Variants in EYS observed in about 807,000 individuals in gnomAD.
EYS encodes the protein EGF-like photoreceptor maintenance factor, also known as protein eyes shut homolog.
In EYS, 250 loss-of-function variants were observed where a neutral mutation model predicts 282.1. That is an observed-to-expected ratio of 0.89 (90% CI 0.80 to 0.98). EYS has a LOEUF of 0.98. Among genes scored for constraint, EYS ranks in the 50% least tolerant of loss-of-function variants. The pLI, the probability that EYS is intolerant of heterozygous loss-of-function variation, is 0.00. For missense variants in EYS, 4,016 were observed against 3,709.0 expected (o/e 1.08, Z -2.15); for synonymous variants, 1,355 against 1,282.9 (o/e 1.06, Z -1.20).
intron 28 of EYS, among the ~76,000 whole-genome samples, chr6:64,402,211 A>G (rs750499838): frequency 1.6e-4 from 25 of 152,138 alleles, no homozygotes; most frequent in South Asian, 6.2e-4. Flanking sequence ...GTCTAACACC[A>G]TTAAAGTGTG....
At chr6:64,960,545 G>T (rs1461519559) in intron 14 of EYS, among the ~76,000 whole-genome samples, 5 of 152,026 alleles carry the variant, frequency 3.3e-5, no homozygotes, top group Non-Finnish European at 5.9e-5. Flanking sequence ...AGAGCCAATT[G>T]TGATTCAACT....
At chr6:64,425,279 GT>G (rs1424175197) in intron 28 of EYS, among the ~76,000 whole-genome samples, 2 of 152,036 alleles carry the variant, frequency 1.3e-5, no homozygotes, top group Non-Finnish European at 2.9e-5. Context: ...GATGTAATAT[GT>G]TTTTTTAAAA....
At chr6:64,155,220 A>G (rs1371803450) in intron 31 of EYS, among the ~76,000 whole-genome samples, 1 of 152,198 alleles carries the variant, frequency 6.6e-6, no homozygotes, top group Non-Finnish European at 1.5e-5. Context: ...TACTGTATCT[A>G]ATATGCAGTT....
intron 2 of EYS, among the ~76,000 whole-genome samples, chr6:65,532,268 GTCTATATTTAC>G (rs2127309600): frequency 6.6e-6 from 1 of 152,064 alleles, no homozygotes; most frequent in South Asian, 2.1e-4. Flanking sequence ...ATGTAAGAAA[GTCTATATTTAC>G]TCTGGTACGT....
intron 22 of EYS, among the ~76,000 whole-genome samples, chr6:64,648,066 A>T (rs1424721462): frequency 2.0e-5 from 3 of 152,214 alleles, no homozygotes; most frequent in Admixed American, 6.5e-5. Flanking sequence ...TTAATTAATC[A>T]TGTATTTTGC....
chr6:65,366,501 T>C (rs1048107793), intron 8 of EYS, among the ~76,000 whole-genome samples: 4 of 151,794 alleles, frequency 2.6e-5, no homozygotes, highest in African/African-American at 4.8e-5. Flanking sequence ...GTATTTTATA[T>C]ACATTTTTAG....
At chr6:64,585,037 G>A (rs1453965170) in intron 26 of EYS, among the ~76,000 whole-genome samples, 3 of 151,958 alleles carry the variant, frequency 2.0e-5, no homozygotes, top group Non-Finnish European at 4.4e-5. Context: ...GTTCATTACT[G>A]CACTATTCAT....
At chr6:64,263,821 A>T in intron 30 of EYS, among the ~76,000 whole-genome samples, 1 of 152,128 alleles carries the variant, frequency 6.6e-6, no homozygotes, top group Non-Finnish European at 1.5e-5. Context: ...AGGATCTAAA[A>T]ACTGTTCTGT....
At chr6:64,223,893 T>TA (rs1445199374) in intron 31 of EYS, among the ~76,000 whole-genome samples, 3 of 152,100 alleles carry the variant, frequency 2.0e-5, no homozygotes, top group Non-Finnish European at 2.9e-5. Context: ...AATGTTTAGC[T>TA]AGTTGATCAT....
At chr6:65,529,111 A>G (rs1237334012) in intron 2 of EYS, among the ~76,000 whole-genome samples, 5 of 152,104 alleles carry the variant, frequency 3.3e-5, no homozygotes, top group African/African-American at 7.2e-5. Context: ...ATTAGGCTTT[A>G]GATTTCCTCT....
At chr6:64,236,217 T>C (rs1766601478) in intron 30 of EYS, among the ~76,000 whole-genome samples, 2 of 152,166 alleles carry the variant, frequency 1.3e-5, no homozygotes, top group African/African-American at 2.4e-5. Flanking sequence ...TTGTGCTCCA[T>C]CCGCCTTGGC....
In EYS at chr6:65,170,603, G is replaced by A. The variant is rs1419992438; in HGVS notation, c.2024-112876C>T. ...CTTATTGGTACAAGGTTTCCAAAAT[G>A]TCTAAGCCAAAAATGGTTTCAATAG... On this transcript the variant is annotated intron_variant, in intron 12 of 42. Transcript: ENST00000503581. Among the ~76,000 whole-genome samples the A allele has an allele frequency of 2.6e-5, 4 of 151,382 alleles. No homozygotes were observed. The East Asian group carries it at 7.8e-4, about 30-fold the overall frequency.
chr6:63,876,463 A>C (rs1051995381), intron 35 of EYS, among the ~76,000 whole-genome samples: 10 of 152,190 alleles, frequency 6.6e-5, no homozygotes, highest in Admixed American at 2.0e-4. Flanking sequence ...TTTGGGGTTG[A>C]GAGTTCTGTA....
chr6:65,366,862 T>G (rs1764931849), intron 8 of EYS, among the ~76,000 whole-genome samples: 1 of 151,590 alleles, frequency 6.6e-6, no homozygotes. Flanking sequence ...GCTTGTACCT[T>G]CCTTCCTTCA....
chr6:64,999,795 C>G (rs7746249), intron 13 of EYS, among the ~76,000 whole-genome samples: 90,865 of 151,960 alleles, frequency 0.6, 29,551 homozygotes, highest in African/African-American at 0.88. Context: ...AGCTCCAGAA[C>G]AACATGGAGT....
At chr6:64,840,544 TG>T (rs1168190250) in intron 19 of EYS, among the ~76,000 whole-genome samples, 2 of 152,122 alleles carry the variant, frequency 1.3e-5, no homozygotes, top group Non-Finnish European at 2.9e-5. Context: ...AAGGGAAAGA[TG>T]GCAGAGGACT....
intron 41 of EYS, among the ~76,000 whole-genome samples, chr6:63,753,448 T>G (rs1769396489): frequency 6.6e-6 from 1 of 152,076 alleles, no homozygotes; most frequent in South Asian, 2.1e-4. Flanking sequence ...CTGGAGATTT[T>G]TAAATCTAGA....
At chr6:65,680,948 T>C (rs1251396724) in intron 1 of EYS, among the ~76,000 whole-genome samples, 1 of 151,868 alleles carries the variant, frequency 6.6e-6, no homozygotes, top group Non-Finnish European at 1.5e-5. Context: ...TTTCACGAGA[T>C]TGCCTCCCAC....
intron 30 of EYS, among the ~76,000 whole-genome samples, chr6:64,239,039 G>T (rs987437088): frequency 2.6e-5 from 4 of 152,160 alleles, no homozygotes; most frequent in African/African-American, 9.7e-5. Context: ...TGCCGAGAAT[G>T]ATGGTTTCCA....
Sources: gnomAD v4.1 joint callset for allele counts (sites outside exome capture counted in the v4.1 genomes callset) on GRCh38, gnomAD v4.1.1 for gene constraint, MANE v1.5 for transcripts, NCBI Gene and HGNC (gene_info 2026-07-23, HGNC 2026-07-21) for gene names.